Variants in JAKMIP2 observed in about 807,000 individuals in gnomAD.
The protein encoded by JAKMIP2 is janus kinase and microtubule-interacting protein 2.
In JAKMIP2, 25 loss-of-function variants were observed where a neutral mutation model predicts 115.0. That is an observed-to-expected ratio of 0.22 (90% CI 0.16 to 0.30). The LOEUF (loss-of-function observed/expected upper bound fraction) is 0.30, where lower values mean the gene tolerates loss of function less well. JAKMIP2 is among the 10% of genes least tolerant of loss of function. The pLI is 1.00. For synonymous variants in JAKMIP2, 334 were observed against 343.6 expected, an observed-to-expected ratio of 0.97 and a Z score of 0.31; for missense variants, 642 against 957.6, an observed-to-expected ratio of 0.67 and a Z score of 4.35.
intron 1 of JAKMIP2, among the ~76,000 whole-genome samples, chr5:147,702,648 GAA>G (rs879305917): frequency 3.9e-4 from 42 of 107,970 alleles, no homozygotes; most frequent in South Asian, 1.2e-3. Flanking sequence ...AAGAAAGAAA[GAA>G]AGAAAGAAAG....
intron 1 of JAKMIP2, among the ~76,000 whole-genome samples, chr5:147,695,106 C>G (rs1262674202): frequency 6.6e-6 from 1 of 152,122 alleles, no homozygotes; most frequent in African/African-American, 2.4e-5. Context: ...AAGCTAGACT[C>G]AAAACAAACT....
intron 1 of JAKMIP2, among the ~76,000 whole-genome samples, chr5:147,715,099 A>G (rs1752920643): frequency 6.6e-6 from 1 of 152,180 alleles, no homozygotes; most frequent in African/African-American, 2.4e-5. Context: ...TATTACAATT[A>G]TTCTTTGATA....
intron 1 of JAKMIP2, among the ~76,000 whole-genome samples, chr5:147,730,747 C>T (rs917702918): frequency 2.0e-5 from 3 of 152,196 alleles, no homozygotes; most frequent in African/African-American, 7.2e-5. Flanking sequence ...AGCCACCACA[C>T]CCAGCCCATC....
intron 1 of JAKMIP2, among the ~76,000 whole-genome samples, chr5:147,739,931 T>C (rs1754081928): frequency 6.6e-6 from 1 of 152,182 alleles, no homozygotes; most frequent in Non-Finnish European, 1.5e-5. Context: ...AGAAAGACTA[T>C]GTCTAGTATG....
chr5:147,595,105 T>G (rs539882837), intron 21 of JAKMIP2, among the ~76,000 whole-genome samples: 1 of 152,186 alleles, frequency 6.6e-6, no homozygotes. Context: ...AATGAGCCTT[T>G]CTATGTGCCA....
At chr5:147,742,155 A>ATT (rs755006646) in intron 1 of JAKMIP2, among the ~76,000 whole-genome samples, 2 of 108,902 alleles carry the variant, frequency 1.8e-5, no homozygotes, top group African/African-American at 7.6e-5. Flanking sequence ...ATATATATAT[A>ATT]TTTTTTTTAC....
intron 2 of JAKMIP2, among the ~76,000 whole-genome samples, chr5:147,664,280 T>C (rs370712839): frequency 6.6e-6 from 1 of 152,286 alleles, no homozygotes; most frequent in Admixed American, 6.5e-5. Context: ...AGCTCAGTTC[T>C]GGTTTTCCTT....
At chr5:147,605,562 C>T (rs1405870464) in intron 20 of JAKMIP2, among the ~76,000 whole-genome samples, 1 of 152,068 alleles carries the variant, frequency 6.6e-6, no homozygotes, top group East Asian at 1.9e-4. Context: ...TGGGTTGGTT[C>T]CAAGTCTTTG....
chr5:147,632,824 C>T (rs1175534967), intron 12 of JAKMIP2, 46 bp from the exon 13 acceptor site: 4 of 1,260,016 alleles, frequency 3.2e-6, no homozygotes, highest in Non-Finnish European at 3.5e-6. Context: ...AGAAAAGCAC[C>T]TACAACTTTG....
intron 19 of JAKMIP2, among the ~76,000 whole-genome samples, chr5:147,616,861 G>A (rs1756609588): frequency 6.6e-6 from 1 of 152,146 alleles, no homozygotes; most frequent in South Asian, 2.1e-4. Context: ...TGCATCTGAA[G>A]TGTGCTAAGT....
chr5:147,755,726 T>C (rs1754721378), intron 1 of JAKMIP2, among the ~76,000 whole-genome samples: 1 of 152,110 alleles, frequency 6.6e-6, no homozygotes, highest in African/African-American at 2.4e-5. Context: ...GCAATCATAG[T>C]GCATTTCATA....
At chr5:147,771,246 G>A (rs1337786204) in intron 1 of JAKMIP2, among the ~76,000 whole-genome samples, 1 of 152,082 alleles carries the variant, frequency 6.6e-6, no homozygotes, top group Non-Finnish European at 1.5e-5. Flanking sequence ...TCAGTCATTA[G>A]TTGGATGATC....
chr5:147,721,866 C>T (rs1029934650), intron 1 of JAKMIP2, among the ~76,000 whole-genome samples: 6 of 152,124 alleles, frequency 3.9e-5, no homozygotes, highest in Non-Finnish European at 8.8e-5. Flanking sequence ...GCCATCTTGG[C>T]TCCTCCAGGC....
chr5:147,658,703 G>A (rs1254518060), intron 3 of JAKMIP2, among the ~76,000 whole-genome samples: 1 of 152,144 alleles, frequency 6.6e-6, no homozygotes, highest in Admixed American at 6.5e-5. Flanking sequence ...TGGAGCTGCT[G>A]GATTTCCTGC....
intron 1 of JAKMIP2, among the ~76,000 whole-genome samples, chr5:147,689,862 G>A (rs577577624): frequency 1.3e-5 from 2 of 152,252 alleles, no homozygotes; most frequent in East Asian, 1.9e-4. Context: ...ATAGAGCTGA[G>A]GATAGAATAA....
At chr5:147,681,884 A>G (rs1194495223) in intron 1 of JAKMIP2, among the ~76,000 whole-genome samples, 3 of 152,072 alleles carry the variant, frequency 2.0e-5, no homozygotes, top group African/African-American at 7.2e-5. Flanking sequence ...TCCACAAAAA[A>G]TACAAAAAAT....
intron 1 of JAKMIP2, among the ~76,000 whole-genome samples, chr5:147,764,943 AGAGG>A (rs1755080235): frequency 3.2e-5 from 3 of 93,066 alleles, no homozygotes; most frequent in Non-Finnish European, 4.0e-5. Flanking sequence ...AGAGAGAGAG[AGAGG>A]GAGAGAGAGA....
Position 147,661,167 on chromosome 5 carries a change from C to A in JAKMIP2, c.408G>T (p.Glu136Asp), listed in dbSNP as rs1758947877. The change falls in exon 3 of 22, where the codon GAG (glutamate) becomes GAT (aspartate). Residue 136 changes from glutamate (E) to aspartate (D), a missense_variant. Coordinates refer to ENST00000616793, the MANE Select transcript of JAKMIP2 (RefSeq NM_001270941.2). ...SDKVRTALTI[E>D]AREEARKLFD... ...ACAGTTTCCGGGCCTCCTCCCGGGC[C>A]TCAATGGTGAGCGCTGTCCTTACTT... The A allele has an allele frequency of 6.2e-7, 1 of 1,614,098 alleles. No individual in the cohort carries two copies.
At chr5:147,769,565 A>T (rs772528248) in intron 1 of JAKMIP2, among the ~76,000 whole-genome samples, 1 of 152,162 alleles carries the variant, frequency 6.6e-6, no homozygotes, top group African/African-American at 2.4e-5. Context: ...AGACTAATGA[A>T]AATAGGATGC....
Sources: gnomAD v4.1 joint callset for allele counts (sites outside exome capture counted in the v4.1 genomes callset) on GRCh38, gnomAD v4.1.1 for gene constraint, MANE v1.5 for transcripts, NCBI Gene and HGNC (gene_info 2026-07-23, HGNC 2026-07-21) for gene names.